Variants in ZNF10 observed in about 807,000 individuals in gnomAD.
ZNF10 encodes the protein zinc finger protein 10 (KOX 1).
A neutral mutation model predicts 12.2 loss-of-function variants in ZNF10; 8 were observed. The observed-to-expected ratio is 0.66, with a 90% CI of 0.39 to 1.18. ZNF10 has a LOEUF of 1.18. ZNF10 is among the 50% of genes most tolerant of loss of function. ZNF10 has a pLI of 0.01. For missense variants in ZNF10, 603 were observed against 678.9 expected, an observed-to-expected ratio of 0.89 and a Z score of 1.24; for synonymous variants, 229 against 228.2, an observed-to-expected ratio of 1.00 and a Z score of -0.03.
chr12:133,145,635 C>T (rs1441996435), intron 2 of ZNF10, among the ~76,000 whole-genome samples: 1 of 144,930 alleles, frequency 6.9e-6, no homozygotes, highest in Non-Finnish European at 1.5e-5. Flanking sequence ...ATGGTAAGAC[C>T]CTGTCTCTAC....
chr12:133,137,781 G>A (rs1002332936), intron 1 of ZNF10, among the ~76,000 whole-genome samples: 2 of 152,090 alleles, frequency 1.3e-5, no homozygotes, highest in African/African-American at 2.4e-5. Context: ...TTATTAAAAT[G>A]GCAGAAGTTC....
intron 1 of ZNF10, among the ~76,000 whole-genome samples, chr12:133,136,629 A>G (rs569282801): frequency 6.8e-4 from 98 of 144,626 alleles, no homozygotes; most frequent in African/African-American, 2.2e-3. Flanking sequence ...TGATAATGCC[A>G]TTACGTGGCA....
chr12:133,144,855 T>C (rs755702884), intron 2 of ZNF10: 33 of 474,168 alleles, frequency 7.0e-5, no homozygotes, highest in African/African-American at 5.7e-4. Context: ...ACCAAAAAAT[T>C]CAAAAACAGG....
At chr12:133,135,231 T>A (rs1955904200) in intron 1 of ZNF10, among the ~76,000 whole-genome samples, 1 of 152,142 alleles carries the variant, frequency 6.6e-6, no homozygotes. Flanking sequence ...ACTGGGAAGA[T>A]TATTGGATCT....
At chr12:133,147,592 C>T (rs1955983297) in intron 2 of ZNF10, among the ~76,000 whole-genome samples, 1 of 146,658 alleles carries the variant, frequency 6.8e-6, no homozygotes, top group Middle Eastern at 3.7e-3. Flanking sequence ...AGTAAGAAAA[C>T]TAGTCTGTTT....
At chr12:133,137,705 G>A (rs892441676) in intron 1 of ZNF10, among the ~76,000 whole-genome samples, 1 of 152,104 alleles carries the variant, frequency 6.6e-6, no homozygotes, top group African/African-American at 2.4e-5. Flanking sequence ...GGGATTAAAT[G>A]CCTTGTTCAC....
chr12:133,131,049 A>G (rs1955871877), intron 1 of ZNF10: 1 of 152,194 alleles, frequency 6.6e-6, no homozygotes, highest in Non-Finnish European at 1.5e-5. Flanking sequence ...GTAATACAAA[A>G]TAAGGTTTCT....
rs923039738 is a variant in ZNF10, at chr12:133,159,206, A to G, written c.*2238A>G. On this transcript the variant is annotated 3_prime_UTR_variant, in exon 5 of 5. Transcript: ENST00000248211. ...TAACACCTTAAGGGTCTAACTTGTA[A>G]TGAAGACAGAAATATGTATGAGGAT... 6.6e-6 allele frequency: 1 copy of G among 152,270 alleles called. No individual in the cohort carries two copies. Among genetic ancestry groups the G allele is most frequent in the African/African-American group, 2.4e-5 (1 of 41,480 alleles). The allele number at this position is 152,270 out of a possible 1,614,324, so 9.4% of individuals were successfully genotyped here.
chr12:133,140,445 T>A (rs887317166), intron 1 of ZNF10, among the ~76,000 whole-genome samples: 3 of 145,642 alleles, frequency 2.1e-5, no homozygotes, highest in Non-Finnish European at 4.7e-5. Flanking sequence ...TTTTTTTTTT[T>A]TAAATAAGTC....
At chr12:133,146,457 T>A (rs887184452) in intron 2 of ZNF10, among the ~76,000 whole-genome samples, 2 of 150,908 alleles carry the variant, frequency 1.3e-5, no homozygotes, top group African/African-American at 4.9e-5. Flanking sequence ...CCATTTAAAA[T>A]TTTTTTTTTA....
intron 1 of ZNF10, among the ~76,000 whole-genome samples, chr12:133,142,712 G>T (rs1955953219): frequency 6.6e-6 from 1 of 152,196 alleles, no homozygotes; most frequent in Admixed American, 6.5e-5. Flanking sequence ...TGGCAAGGAT[G>T]TAGAGAAATT....
intron 1 of ZNF10, among the ~76,000 whole-genome samples, chr12:133,142,222 A>C (rs570680743): frequency 2.0e-4 from 31 of 152,292 alleles, no homozygotes; most frequent in African/African-American, 7.5e-4. Flanking sequence ...CAGGAGTTCG[A>C]GACCAGCCTG....
intron 1 of ZNF10, among the ~76,000 whole-genome samples, chr12:133,134,075 G>T (rs1270502144): frequency 4.0e-5 from 6 of 149,866 alleles, no homozygotes; most frequent in Non-Finnish European, 8.9e-5. Flanking sequence ...AAGGTGGGGA[G>T]ATCACCTGAG....
intron 4 of ZNF10, among the ~76,000 whole-genome samples, chr12:133,153,944 C>CT (rs1956023693): frequency 6.6e-6 from 1 of 152,180 alleles, no homozygotes; most frequent in Non-Finnish European, 1.5e-5. Context: ...CACATGGTCT[C>CT]TTCCCCTGTG....
At chr12:133,148,318 A>G (rs1353561990) in intron 2 of ZNF10, among the ~76,000 whole-genome samples, 1 of 152,026 alleles carries the variant, frequency 6.6e-6, no homozygotes, top group African/African-American at 2.4e-5. Context: ...ACGGCATTTC[A>G]CCATGTTGGC....
chr12:133,148,295 A>G (rs998390015), intron 2 of ZNF10, among the ~76,000 whole-genome samples: 1 of 151,954 alleles, frequency 6.6e-6, no homozygotes, highest in Non-Finnish European at 1.5e-5. Flanking sequence ...TAATTTTTGT[A>G]TATTTAGTAG....
intron 2 of ZNF10, chr12:133,144,795 C>T (rs778273690): frequency 2.0e-6 from 1 of 501,324 alleles, no homozygotes; most frequent in Admixed American, 2.6e-5. Context: ...ATTAGTGTTA[C>T]ATTTAAAATG....
At chr12:133,144,148 C>CAA in intron 1 of ZNF10, 10 of 168,938 alleles carry the variant, frequency 5.9e-5, no homozygotes, top group Non-Finnish European at 8.7e-5. Context: ...TTTTTTTCCG[C>CAA]AAAAAAAAAA....
In ZNF10 at chr12:133,155,614, A is replaced by G. The variant is rs754457201; in HGVS notation, c.368A>G (p.Tyr123Cys). Reference sequence around the variant, plus strand: ...GGAATGGCAAGGAATGATCTCTGGTATTTGTCATTAGAAGAAGTCTGGAAA... The same window carrying G: ...GGAATGGCAAGGAATGATCTCTGGTGTTTGTCATTAGAAGAAGTCTGGAAA... ...MEGMARNDLW[Y>C]LSLEEVWKCR... Residue 123 changes from tyrosine (Y) to cysteine (C), a missense_variant, in exon 5 of 5, where the codon TAT becomes TGT. By Grantham distance (194) the Tyr-to-Cys change is radical (BLOSUM62 -2). Around this residue, in one of 3 missense-constraint regions of ZNF10, gnomAD observed 393 missense variants for 399.7 expected, o/e 0.98. Transcript: ENST00000248211. The G allele has an allele frequency of 6.2e-7, 1 of 1,614,104 alleles. No homozygotes were observed. The highest frequency in any genetic ancestry group is 8.5e-7 in the Non-Finnish European group (1 of 1,180,002).
Sources: allele counts gnomAD v4.1 joint callset (sites outside exome capture counted in the v4.1 genomes callset), GRCh38; gene constraint gnomAD v4.1.1; regional missense constraint gnomAD v4.1.1; transcripts MANE v1.5; gene names NCBI Gene and HGNC (gene_info 2026-07-23, HGNC 2026-07-21).